SPAG16: variants seen among roughly 807,000 people sequenced by gnomAD.
SPAG16 encodes the protein sperm associated antigen 16.
A neutral mutation model predicts 80.4 loss-of-function variants in SPAG16; 86 were observed. That is an observed-to-expected ratio of 1.07 (90% confidence interval 0.90 to 1.28). The LOEUF (loss-of-function observed/expected upper bound fraction) is 1.28. Among genes scored for constraint, SPAG16 ranks in the 50% most tolerant of loss-of-function variants. The probability of loss-of-function intolerance (pLI) is 0.00; values close to 1 mark genes in which losing one functional copy is unlikely to be tolerated. For missense variants in SPAG16, 870 were observed against 765.3 expected, an observed-to-expected ratio of 1.14 and a Z score of -1.61; for synonymous variants, 294 against 265.9, an observed-to-expected ratio of 1.11 and a Z score of -1.03.
At chr2:213,493,570 G>A (rs1259537077) in intron 10 of SPAG16, among the ~76,000 whole-genome samples, 1 of 151,936 alleles carries the variant, frequency 6.6e-6, no homozygotes, top group Non-Finnish European at 1.5e-5. Flanking sequence ...CTAGTTGTTT[G>A]TTTGTTTGTT....
chr2:214,352,607 A>G (rs548123331), intron 15 of SPAG16, among the ~76,000 whole-genome samples: 371 of 36,730 alleles, frequency 0.01, 3 homozygotes, highest in South Asian at 0.077. Flanking sequence ...TTTTTTTTTC[A>G]TCTCTTCTCT....
At chr2:213,502,127 T>C (rs946689610) in intron 10 of SPAG16, among the ~76,000 whole-genome samples, 7 of 152,152 alleles carry the variant, frequency 4.6e-5, no homozygotes, top group African/African-American at 1.7e-4. Flanking sequence ...TCTTTGTTGT[T>C]GTTGCTGTTC....
chr2:213,862,546 G>A lies in SPAG16; in HGVS notation c.1132G>A (p.Val378Met). 2.5e-6 allele frequency: 4 copies of A among 1,614,116 alleles called. No individual in the cohort carries two copies. The highest frequency in any genetic ancestry group is 3.4e-6 in the Non-Finnish European group (4 of 1,180,014). ...VSCGEDRLWK[V>M]LGLPKCNVLL... ...CTGTGGCGAGGACCGACTCTGGAAG[G>A]TGTTGGGCCTTCCAAAATGCAATGT... The change falls in exon 11 of 16, where the codon GTG (valine) becomes ATG (methionine). Residue 378 changes from valine to methionine, a missense_variant. Transcript: ENST00000331683.
chr2:213,562,213 G>T (rs1305964143), intron 10 of SPAG16, among the ~76,000 whole-genome samples: 2 of 152,168 alleles, frequency 1.3e-5, no homozygotes, highest in African/African-American at 4.8e-5. Context: ...ACATTTTGCA[G>T]GTAGGGGAGA....
At chr2:214,380,708 G>A (rs1008566190) in intron 15 of SPAG16, among the ~76,000 whole-genome samples, 9 of 152,160 alleles carry the variant, frequency 5.9e-5, no homozygotes, top group Admixed American at 3.3e-4. Context: ...GTTTTTTCAC[G>A]GCAGTTGTGA....
chr2:213,647,739 C>T (rs2062870610), intron 10 of SPAG16, among the ~76,000 whole-genome samples: 1 of 152,208 alleles, frequency 6.6e-6, no homozygotes, highest in South Asian at 2.1e-4. Flanking sequence ...AGGCTCTTGC[C>T]AGGATCTGTC....
intron 10 of SPAG16, among the ~76,000 whole-genome samples, chr2:213,736,355 G>A (rs2067281550): frequency 6.6e-6 from 1 of 152,002 alleles, no homozygotes; most frequent in Non-Finnish European, 1.5e-5. Flanking sequence ...GTGCAGTGGT[G>A]TGATCTCGGC....
chr2:213,674,744 A>G lies in SPAG16; in HGVS notation c.1070+184654A>G, dbSNP rs533020058. Among the ~76,000 whole-genome samples the G allele has an allele frequency of 8.9e-4, 134 of 150,488 alleles. 1 individual carries two copies. The highest frequency in any genetic ancestry group is 2.4e-3 in the African/African-American group (95 of 39,916). ...ATTTTTTATGGCTGCATAGTATTCCATGGTGTATATGTGCCACATTTTCTT... is the reference window on the plus strand; with the variant it reads ...ATTTTTTATGGCTGCATAGTATTCCGTGGTGTATATGTGCCACATTTTCTT... On this transcript the variant is annotated intron_variant, in intron 10 of 15. Transcript: ENST00000331683.
intron 9 of SPAG16, among the ~76,000 whole-genome samples, chr2:213,434,743 C>T (rs1188932618): frequency 6.6e-6 from 1 of 152,122 alleles, no homozygotes; most frequent in African/African-American, 2.4e-5. Context: ...CAAATTAAAA[C>T]CACAATGATA....
intron 14 of SPAG16, among the ~76,000 whole-genome samples, chr2:214,120,500 A>G (rs1183055065): frequency 1.3e-5 from 2 of 151,648 alleles, no homozygotes; most frequent in African/African-American, 4.8e-5. Flanking sequence ...ATTATCTTAT[A>G]TTTCCTTGTT....
intron 13 of SPAG16, among the ~76,000 whole-genome samples, chr2:214,034,634 A>G (rs1410944164): frequency 6.6e-6 from 1 of 152,216 alleles, no homozygotes; most frequent in Non-Finnish European, 1.5e-5. Context: ...AGGCACTGAC[A>G]CAGGTGCTGG....
At chr2:213,399,210 G>A (rs1201018626) in intron 9 of SPAG16, among the ~76,000 whole-genome samples, 1 of 151,984 alleles carries the variant, frequency 6.6e-6, no homozygotes, top group East Asian at 1.9e-4. Flanking sequence ...GATTTTAAAG[G>A]TGATGCATCT....
At chr2:213,412,193 A>C (rs934523847) in intron 9 of SPAG16, among the ~76,000 whole-genome samples, 2 of 152,078 alleles carry the variant, frequency 1.3e-5, no homozygotes, top group African/African-American at 2.4e-5. Flanking sequence ...ATTACCTGCT[A>C]TCTGCTCTGC....
At chr2:214,405,525 G>C (rs1200125373) in intron 15 of SPAG16, among the ~76,000 whole-genome samples, 2 of 152,204 alleles carry the variant, frequency 1.3e-5, no homozygotes, top group Non-Finnish European at 2.9e-5. Context: ...GCTGGGCACA[G>C]TGGCTCATGC....
intron 15 of SPAG16, among the ~76,000 whole-genome samples, chr2:214,291,898 C>A (rs1043058565): frequency 1.3e-5 from 2 of 152,106 alleles, no homozygotes; most frequent in African/African-American, 2.4e-5. Flanking sequence ...GTTGTCTTTT[C>A]GCTTCCAGAT....
At chr2:213,476,584 A>T (rs2073405928) in intron 9 of SPAG16, among the ~76,000 whole-genome samples, 1 of 152,216 alleles carries the variant, frequency 6.6e-6, no homozygotes, top group African/African-American at 2.4e-5. Context: ...GAATGAAAGT[A>T]AAGAGTCATA....
chr2:214,207,146 T>C (rs2058167352), intron 15 of SPAG16, among the ~76,000 whole-genome samples: 1 of 152,194 alleles, frequency 6.6e-6, no homozygotes, highest in Non-Finnish European at 1.5e-5. Flanking sequence ...GGCTAAAATA[T>C]TACCTTCAAA....
chr2:213,396,797 C>T, intron 9 of SPAG16: 1 of 351,388 alleles, frequency 2.8e-6, no homozygotes, highest in East Asian at 8.3e-5. Context: ...CGTCAACACC[C>T]ATACCCTTTA....
intron 10 of SPAG16, among the ~76,000 whole-genome samples, chr2:213,630,383 CAAAA>C (rs926318146): frequency 4.6e-5 from 5 of 109,816 alleles, no homozygotes; most frequent in African/African-American, 1.7e-4. Flanking sequence ...GACTCCATCT[CAAAA>C]AAAAAAAAAA....
Sources: gnomAD v4.1 joint callset for allele counts (sites outside exome capture counted in the v4.1 genomes callset) on GRCh38, gnomAD v4.1.1 for gene constraint, MANE v1.5 for transcripts, NCBI Gene and HGNC (gene_info 2026-07-23, HGNC 2026-07-21) for gene names.